Variants in PRXL2A observed in about 807,000 individuals in gnomAD.
PRXL2A encodes the protein peroxiredoxin like 2A, also known as peroxiredoxin-like 2A.
In PRXL2A, 26 loss-of-function variants were observed where a neutral mutation model predicts 25.6. The ratio of observed to expected loss-of-function variants is 1.02; its 90% CI spans 0.74 to 1.41. PRXL2A has a LOEUF of 1.41. Ranked by LOEUF, PRXL2A falls within the 40% of genes most tolerant of loss-of-function variation. The pLI is 0.00. For missense variants in PRXL2A, 246 were observed against 273.9 expected (o/e 0.90, Z 0.72); for synonymous variants, 98 against 102.9 (o/e 0.95, Z 0.29).
At chr10:80,420,106 G>A in intron 1 of PRXL2A, 1 of 991,742 alleles carries the variant, frequency 1.0e-6, no homozygotes, top group African/African-American at 1.7e-5. Context: ...GAATGAGGAA[G>A]TAGTCTGCCT....
At chr10:80,430,042 T>C (rs1429546732) in intron 5 of PRXL2A, among the ~76,000 whole-genome samples, 2 of 152,056 alleles carry the variant, frequency 1.3e-5, no homozygotes, top group Non-Finnish European at 2.9e-5. Flanking sequence ...TCAGTTCTTG[T>C]TGGGTGTAGA....
At chr10:80,411,089 G>C (rs1276450241) in intron 1 of PRXL2A, among the ~76,000 whole-genome samples, 1 of 152,196 alleles carries the variant, frequency 6.6e-6, no homozygotes, top group Non-Finnish European at 1.5e-5. Context: ...AGAGCTCATT[G>C]CAAGTGACTG....
chr10:80,426,063 T>G, intron 4 of PRXL2A, 57 bp downstream of exon 4: 1 of 1,605,220 alleles, frequency 6.2e-7, no homozygotes, highest in Non-Finnish European at 8.5e-7. Flanking sequence ...CTCAGCTGTG[T>G]GATAGTCAGG....
intron 2 of PRXL2A, among the ~76,000 whole-genome samples, chr10:80,421,753 T>C (rs1844873099): frequency 6.6e-6 from 1 of 152,150 alleles, no homozygotes; most frequent in Admixed American, 6.5e-5. Flanking sequence ...CAACTCTATA[T>C]TACCAGACAT....
rs755629808 is a variant in PRXL2A, at chr10:80,432,074, A to G, written c.665A>G (p.Gln222Arg). 1 of 1,608,598 alleles carries G rather than the reference A, an allele frequency of 6.2e-7. No homozygotes were observed. The highest frequency in any genetic ancestry group is 1.1e-5 in the South Asian group (1 of 90,898). Residue 222 changes from glutamine to arginine, a missense_variant, in exon 6 of 6, where the codon CAG becomes CGG. Gln to Arg is a conservative substitution (Grantham distance 43, BLOSUM62 1). Transcript: ENST00000606162. The part of the protein sequence containing the change: ...VLEAAKMIKP[Q>R]TLASEKK ...GAAGCTGCTAAGATGATCAAACCAC[A>G]GACTTTGGCCTCAGAGAAAAAATGA... is the stretch of plus-strand genomic sequence containing the variant.
rs554897091 is a variant in PRXL2A, at chr10:80,409,472, C to G, written c.-3+829C>G. Among the ~76,000 whole-genome samples, 14 of 152,316 alleles carry G rather than the reference C, an allele frequency of 9.2e-5. 1 individual carries two copies. In the South Asian group the frequency reaches 2.9e-3, roughly 32 times the overall value. ...GCCACATCATGCTGTCTGCACAGCC[C>G]AGCAACCCAGAACTCAGCTTTTTTG... On this transcript the variant is annotated intron_variant, in intron 1 of 5. Transcript: ENST00000606162.
At position 80,425,901 on chromosome 10, in the gene PRXL2A, G is replaced by A; in HGVS notation, c.306G>A (p.Leu102=). 6.2e-7 allele frequency: 1 copy of A among 1,614,214 alleles called. No homozygotes were observed. The highest frequency in any genetic ancestry group is 8.5e-7 in the Non-Finnish European group (1 of 1,180,036). ...ATCTGTCCTCCCTGAAAAGCATGTT[G>A]GACCAGCTGGGCGTCCCCCTCTATG... ...AADLSSLKSM[L]DQLGVPLYAV... The change falls in exon 4 of 6, where the codon TTG becomes TTA. Residue 102 remains leucine, a synonymous_variant. Transcript: ENST00000606162.
intron 1 of PRXL2A, 109 bp from the exon 2 acceptor site, chr10:80,420,357 C>T: frequency 6.7e-7 from 1 of 1,488,180 alleles, no homozygotes; most frequent in South Asian, 1.4e-5. Flanking sequence ...GCTCCCTTCC[C>T]CTGTCCTGAC....
chr10:80,427,239 C>A, intron 4 of PRXL2A, 93 bp from the exon 5 acceptor site: 1 of 1,111,376 alleles, frequency 9.0e-7, no homozygotes, highest in Non-Finnish European at 1.3e-6. Context: ...TGAGTCTTTG[C>A]CTGAGAACCA....
Position 80,427,422 on chromosome 10 carries a change from G to C in PRXL2A, c.502G>C (p.Gly168Arg). The change falls in exon 5 of 6, where the codon GGA (glycine) becomes CGA (arginine). Residue 168 changes from glycine to arginine, a missense_variant. Gly to Arg is a moderately radical substitution (Grantham distance 125, BLOSUM62 -2). Transcript: ENST00000606162. ...GTACAACTTCTTCCGAGCCTGGAAC[G>C]GAGGCTTCTCTGGAAACCTGGAAGG... ...VWYNFFRAWN[G>R]GFSGNLEGEG... 1.9e-6 allele frequency: 3 copies of C among 1,614,132 alleles called. No individual in the cohort carries two copies. The highest frequency in any genetic ancestry group is 2.5e-6 in the Non-Finnish European group (3 of 1,180,014).
intron 3 of PRXL2A, 131 bp downstream of exon 3, chr10:80,422,639 C>G (rs1162525065): frequency 2.1e-6 from 1 of 481,836 alleles, no homozygotes; most frequent in South Asian, 3.0e-5. Flanking sequence ...GTTATTTGCT[C>G]TAGGTATTTC....
At chr10:80,417,714 C>G (rs977912374) in intron 1 of PRXL2A, among the ~76,000 whole-genome samples, 1 of 151,504 alleles carries the variant, frequency 6.6e-6, no homozygotes, top group Non-Finnish European at 1.5e-5. Flanking sequence ...TGGTTACCCC[C>G]GTTACCTGGA....
intron 1 of PRXL2A, among the ~76,000 whole-genome samples, chr10:80,410,056 C>T (rs1844425478): frequency 6.6e-6 from 1 of 152,296 alleles, no homozygotes; most frequent in East Asian, 1.9e-4. Context: ...TTTCTCATCT[C>T]GTGTCATTTA....
intron 1 of PRXL2A, among the ~76,000 whole-genome samples, chr10:80,411,803 T>C (rs6585986): frequency 0.79 from 119,583 of 152,088 alleles, 47,925 homozygotes; most frequent in East Asian, 0.97. Context: ...CCTCAGCACC[T>C]TTTCTTGCTT....
At chr10:80,417,878 C>T (rs191753167) in intron 1 of PRXL2A, among the ~76,000 whole-genome samples, 95 of 151,808 alleles carry the variant, frequency 6.3e-4, no homozygotes, top group Non-Finnish European at 1.1e-3. Flanking sequence ...CCACCATGCC[C>T]AGCTAATTTT....
chr10:80,410,200 C>T (rs1004868184), intron 1 of PRXL2A, among the ~76,000 whole-genome samples: 1 of 152,260 alleles, frequency 6.6e-6, no homozygotes, highest in Admixed American at 6.5e-5. Flanking sequence ...AGCAGAAGCT[C>T]CAAGTCTCTC....
At chr10:80,415,238 G>T (rs1372307979) in intron 1 of PRXL2A, among the ~76,000 whole-genome samples, 1 of 152,238 alleles carries the variant, frequency 6.6e-6, no homozygotes, top group Non-Finnish European at 1.5e-5. Context: ...TGAGGATGGG[G>T]TCCACTGCCC....
Position 80,435,947 on chromosome 10 carries a change from CATGCAAAGAA to C in PRXL2A, c.*3855_*3864del, listed in dbSNP as rs1174661137. The C allele has an allele frequency of 6.6e-6, 1 of 152,062 alleles. No homozygotes were observed. The highest frequency in any genetic ancestry group is 2.4e-5 in the African/African-American group (1 of 41,422). The allele number at this position is 152,062 out of a possible 1,614,324, so 9.4% of individuals were successfully genotyped here. A position where few individuals can be genotyped will look rare whatever the true frequency, so the allele number is the denominator to read the frequency against. On this transcript the variant is annotated 3_prime_UTR_variant, in exon 6 of 6. Transcript: ENST00000606162. ...ATTTATTTGATAAACTGAGAATCCA[CATGCAAAGAA>C]ATGCAAGAAAATTCAAAGAACGTAA...
chr10:80,427,458 A>G lies in PRXL2A; in HGVS notation c.538A>G (p.Ile180Val). Residue 180 changes from isoleucine (I) to valine (V), a missense_variant, in exon 5 of 6, where the codon ATC becomes GTC. Coordinates refer to ENST00000606162, the MANE Select transcript of PRXL2A (RefSeq NM_032333.5). ...FSGNLEGEGFILGGVFVVGSG... is the reference protein window; with the variant it reads ...FSGNLEGEGFVLGGVFVVGSG... The stretch of plus-strand genomic sequence containing the variant: ...TGGAAACCTGGAAGGAGAAGGCTTC[A>G]TCCTTGGGGGAGTTTTCGTGGTGGG... The G allele has an allele frequency of 6.2e-7, 1 of 1,614,190 alleles. No homozygotes were observed. Among genetic ancestry groups the G allele is most frequent in the Non-Finnish European group, 8.5e-7 (1 of 1,180,034 alleles).
Sources: gnomAD v4.1 joint callset for allele counts (sites outside exome capture counted in the v4.1 genomes callset) on GRCh38, gnomAD v4.1.1 for gene constraint, MANE v1.5 for transcripts, NCBI Gene and HGNC (gene_info 2026-07-23, HGNC 2026-07-21) for gene names.